Variants in CHRNA6 observed in about 807,000 individuals in gnomAD.
CHRNA6 encodes neuronal acetylcholine receptor subunit alpha-6.
CHRNA6 carries 31 observed loss-of-function variants against 40.9 expected under a neutral mutation model. The ratio of observed to expected loss-of-function variants is 0.76; its 90% confidence interval spans 0.57 to 1.02. The LOEUF is 1.02. Among genes scored for constraint, CHRNA6 ranks in the 50% least tolerant of loss-of-function variants. The pLI is 0.00. For synonymous variants in CHRNA6, 222 were observed against 221.3 expected, an observed-to-expected ratio of 1.00 and a Z score of -0.03; for missense variants, 546 against 596.6, an observed-to-expected ratio of 0.92 and a Z score of 0.88.
At chr8:42,767,863 C>T (rs889591085) in intron 1 of CHRNA6, among the ~76,000 whole-genome samples, 4 of 152,108 alleles carry the variant, frequency 2.6e-5, no homozygotes, top group Non-Finnish European at 5.9e-5. Flanking sequence ...CAGCAGTGGT[C>T]CGTTTCTAAG....
chr8:42,761,843 T>A (rs1321371353), intron 2 of CHRNA6, among the ~76,000 whole-genome samples: 1 of 152,204 alleles, frequency 6.6e-6, no homozygotes, highest in Non-Finnish European at 1.5e-5. Flanking sequence ...GGCTTTGAGT[T>A]ATGATTTCAA....
chr8:42,756,070 T>G lies in CHRNA6; in HGVS notation c.1129A>C (p.Arg377=). The stretch of plus-strand genomic sequence containing the variant: ...CTTGCAAGCTTGCCTTTGGCAGGCC[T>G]CCTGGCAAGGCCTCTGGGCACTGCA... ...SDAVPRGLAR[R]PAKGKLASHG... The change falls in exon 5 of 6, where the codon AGG becomes CGG. Residue 377 remains arginine (R), a synonymous_variant. Transcript: ENST00000276410. 1 of 1,614,236 alleles carries G rather than the reference T, an allele frequency of 6.2e-7. No individual in the cohort carries two copies.
At chr8:42,755,275 GT>G (rs1816779838) in intron 5 of CHRNA6, among the ~76,000 whole-genome samples, 2 of 149,614 alleles carry the variant, frequency 1.3e-5, no homozygotes, top group Non-Finnish European at 3.0e-5. Flanking sequence ...CTGAATGTTT[GT>G]TTGTTTGTTT....
At position 42,760,336 on chromosome 8, in the gene CHRNA6, G is replaced by GCA. The variant is rs371027785; in HGVS notation, c.220-1224_220-1223insTG. 8.4e-4 allele frequency among the ~76,000 whole-genome samples: 61 copies of GCA among 72,632 alleles called. No homozygotes were observed. The African/African-American group carries it at 8.9e-3, about 11-fold the overall frequency. The allele number at this position is 72,632 out of a possible 152,430, so 47.6% of individuals were successfully genotyped here. A position where few individuals can be genotyped will look rare whatever the true frequency, so the allele number is the denominator to read the frequency against. Reference sequence around the variant, plus strand: ...CACACTCATGCACACTCACACTCATGCGCACACACACTCGTGAACACACAA... The same window carrying GCA: ...CACACTCATGCACACTCACACTCATGCACGCACACACACTCGTGAACACACAA... On this transcript the variant is annotated intron_variant, in intron 2 of 5. Coordinates refer to ENST00000276410, the MANE Select transcript of CHRNA6 (RefSeq NM_004198.3).
chr8:42,757,145 C>T, intron 3 of CHRNA6, 108 bp from the exon 4 acceptor site: 2 of 748,980 alleles, frequency 2.7e-6, no homozygotes, highest in Non-Finnish European at 4.5e-6. Flanking sequence ...GCAGGCAGGT[C>T]ACTTGAGGTC....
At position 42,752,647 on chromosome 8, in the gene CHRNA6, C is replaced by T. The variant is rs909723908; in HGVS notation, c.*532G>A. ...TTTTTTTTTTTTTTTTTAAAACTAA[C>T]AATCAGTGTATCAAATAATGCTGAG... On this transcript the variant is annotated 3_prime_UTR_variant, in exon 6 of 6. Transcript: ENST00000276410. The T allele has an allele frequency of 1.5e-5, 2 of 136,836 alleles. No individual in the cohort carries two copies. Among genetic ancestry groups the T allele is most frequent in the Non-Finnish European group, 3.1e-5 (2 of 64,206 alleles). 8.5% of individuals were successfully genotyped at this position (136,836 alleles called of 1,614,324 possible). A position where few individuals can be genotyped will look rare whatever the true frequency, so the allele number is the denominator to read the frequency against.
rs769875919 is a variant in CHRNA6, at chr8:42,755,828, G to C, written c.1353+18C>G. 1 of 1,602,990 alleles carries C rather than the reference G, an allele frequency of 6.2e-7. No homozygotes were observed. The highest frequency in any genetic ancestry group is 1.1e-5 in the South Asian group (1 of 88,782). ...GCAAAGGGTGCAAGCTGGCTGGGTG[G>C]AGGGAACACACATTTACCTCCTTGG... On this transcript the variant is annotated intron_variant, in intron 5 of 5. Coordinates refer to ENST00000276410, the MANE Select transcript of CHRNA6 (RefSeq NM_004198.3).
At chr8:42,766,934 G>T (rs539964896) in intron 1 of CHRNA6, among the ~76,000 whole-genome samples, 1 of 152,224 alleles carries the variant, frequency 6.6e-6, no homozygotes, top group Admixed American at 6.5e-5. Context: ...AGATTTCTGA[G>T]AATGCAAGAT....
chr8:42,759,655 T>A (rs914878007), intron 2 of CHRNA6, among the ~76,000 whole-genome samples: 3 of 152,024 alleles, frequency 2.0e-5, no homozygotes, highest in Admixed American at 2.0e-4. Context: ...CCCAGCATTC[T>A]GGGAGGCCGA....
Position 42,765,074 on chromosome 8 carries a change from C to T in CHRNA6, c.210G>A (p.Leu70=), listed in dbSNP as rs142781966. Residue 70 remains leucine, a synonymous_variant, in exon 2 of 6, where the codon CTG becomes CTA. Coordinates refer to ENST00000276410, the MANE Select transcript of CHRNA6 (RefSeq NM_004198.3). ...ATCAGAGGGCACTCACCACGTTGGC[C>T]AGCTGGGTGATGGCCACTTCAAAGT... The part of the protein sequence containing the change: ...TVHFEVAITQ[L]ANVDEVNQIM... The T allele has an allele frequency of 6.2e-7, 1 of 1,614,066 alleles. No individual in the cohort carries two copies. The highest frequency in any genetic ancestry group is 8.5e-7 in the Non-Finnish European group (1 of 1,179,960).
In CHRNA6 at chr8:42,753,153, T is replaced by C; in HGVS notation, c.*26A>G. ...GCAGAACAAATATGGTGTCTGTAAA[T>C]TTCTGAACATAAAAGAAAATACATT... On this transcript the variant is annotated 3_prime_UTR_variant, in exon 6 of 6. Transcript: ENST00000276410. 1 of 1,583,992 alleles carries C rather than the reference T, an allele frequency of 6.3e-7. No homozygotes were observed.
At chr8:42,754,340 A>T (rs1249540774) in intron 5 of CHRNA6, among the ~76,000 whole-genome samples, 1 of 152,024 alleles carries the variant, frequency 6.6e-6, no homozygotes, top group Middle Eastern at 3.2e-3. Flanking sequence ...AAATTTTTTT[A>T]AATTTGTTTT....
In CHRNA6 at chr8:42,755,865, C is replaced by T; in HGVS notation, c.1334G>A (p.Ser445Asn). The T allele has an allele frequency of 6.2e-7, 1 of 1,613,776 alleles. No homozygotes were observed. Among genetic ancestry groups the T allele is most frequent in the Non-Finnish European group, 8.5e-7 (1 of 1,179,826 alleles). The change falls in exon 5 of 6, where the codon AGC becomes AAC. Residue 445 changes from serine (S) to asparagine (N), a missense_variant. Ser to Asn is a conservative substitution (Grantham distance 46, BLOSUM62 1). Around this residue, in one of 3 missense-constraint regions of CHRNA6, gnomAD observed 65 missense variants for 83.8 expected, o/e 0.78. Coordinates refer to ENST00000276410, the MANE Select transcript of CHRNA6 (RefSeq NM_004198.3). ...ATTTACCTCCTTGGTTTCATTGTGGCTCTTCATGTTTTCTGCTATGAACTG... is the reference window on the plus strand; with the variant it reads ...ATTTACCTCCTTGGTTTCATTGTGGTTCTTCATGTTTTCTGCTATGAACTG... ...SVQFIAENMKSHNETKEVEDD... is the reference protein window; with the variant it reads ...SVQFIAENMKNHNETKEVEDD...
At chr8:42,759,377 T>A (rs1816861680) in intron 2 of CHRNA6, 1 of 433,588 alleles carries the variant, frequency 2.3e-6, no homozygotes, top group African/African-American at 2.0e-5. Flanking sequence ...TGTGAAGTGC[T>A]TCCGATCTCT....
intron 2 of CHRNA6, among the ~76,000 whole-genome samples, chr8:42,760,485 CTCAT>C (rs1816888290): frequency 6.6e-6 from 1 of 151,998 alleles, no homozygotes; most frequent in South Asian, 2.1e-4. Flanking sequence ...TGCATACTCA[CTCAT>C]GCACATGCAC....
chr8:42,758,882 T>C (rs1022114012), intron 3 of CHRNA6, among the ~76,000 whole-genome samples, 187 bp downstream of exon 3: 1 of 152,184 alleles, frequency 6.6e-6, no homozygotes, highest in Non-Finnish European at 1.5e-5. Flanking sequence ...GGGACCTTTG[T>C]CACTAAGTGT....
At chr8:42,767,113 G>A (rs1236301106) in intron 1 of CHRNA6, among the ~76,000 whole-genome samples, 1 of 152,124 alleles carries the variant, frequency 6.6e-6, no homozygotes, top group African/African-American at 2.4e-5. Context: ...GACTACAGGT[G>A]ACTGCCACCA....
Position 42,765,080 on chromosome 8 carries a change from G to C in CHRNA6, c.204C>G (p.Thr68=). ...PVTVHFEVAI[T]QLANVDEVNQ... ...GGGCACTCACCACGTTGGCCAGCTGGGTGATGGCCACTTCAAAGTGTACCG... is the reference window on the plus strand; with the variant it reads ...GGGCACTCACCACGTTGGCCAGCTGCGTGATGGCCACTTCAAAGTGTACCG... Residue 68 remains threonine (T), a synonymous_variant, in exon 2 of 6, where the codon ACC becomes ACG. Coordinates refer to ENST00000276410, the MANE Select transcript of CHRNA6 (RefSeq NM_004198.3). 6.2e-7 allele frequency: 1 copy of C among 1,614,078 alleles called. No individual in the cohort carries two copies. Among genetic ancestry groups the C allele is most frequent in the Non-Finnish European group, 8.5e-7 (1 of 1,179,964 alleles).
chr8:42,756,233 C>G lies in CHRNA6; in HGVS notation c.966G>C (p.Val322=). ...TGCGGTAGTGTATGTTCAACACAAA[C>G]ACAGTCACCACGATGGACAGTGTGA... The part of the protein sequence containing the change: ...IFVTLSIVVT[V]FVLNIHYRTP... Residue 322 remains valine (V), a synonymous_variant, in exon 5 of 6, where the codon GTG becomes GTC. Coordinates refer to ENST00000276410, the MANE Select transcript of CHRNA6 (RefSeq NM_004198.3). 1.2e-6 allele frequency: 2 copies of G among 1,614,230 alleles called. No homozygotes were observed. Among genetic ancestry groups the G allele is most frequent in the Non-Finnish European group, 1.7e-6 (2 of 1,180,038 alleles).
Sources: gnomAD v4.1 joint callset for allele counts (sites outside exome capture counted in the v4.1 genomes callset) on GRCh38, gnomAD v4.1.1 for gene constraint, gnomAD v4.1.1 regional missense constraint, MANE v1.5 for transcripts, NCBI Gene and HGNC (gene_info 2026-07-23, HGNC 2026-07-21) for gene names.